Variants in AMT observed in about 807,000 individuals in gnomAD.
AMT encodes aminomethyltransferase, mitochondrial.
A neutral mutation model predicts 39.5 loss-of-function variants in AMT; 24 were observed. That is an observed-to-expected ratio of 0.61 (90% CI 0.44 to 0.86). The LOEUF is 0.86. Ranked by LOEUF, AMT falls within the 40% of genes least tolerant of loss-of-function variation. The pLI, the probability that AMT is intolerant of heterozygous loss-of-function variation, is 0.00. For synonymous variants in AMT, 210 were observed against 212.1 expected, an observed-to-expected ratio of 0.99 and a Z score of 0.09; for missense variants, 501 against 537.0, an observed-to-expected ratio of 0.93 and a Z score of 0.66.
chr3:49,421,198 C>T (rs2049096298), intron 3 of AMT: 3 of 424,222 alleles, frequency 7.1e-6, no homozygotes, highest in Admixed American at 3.5e-5. Context: ...TGAGTCACGT[C>T]GCCTGGCCAG....
intron 2 of AMT, 28 bp downstream of exon 2, chr3:49,422,063 GGAAGGCCTGATCA>G: frequency 6.2e-7 from 1 of 1,612,570 alleles, no homozygotes; most frequent in Non-Finnish European, 8.5e-7. Flanking sequence ...TAAACAGGGA[GGAAGGCCTGATCA>G]GATGGCCAGT....
chr3:49,419,734 C>G lies in AMT; in HGVS notation c.526G>C (p.Asp176His), dbSNP rs781474146. Residue 176 changes from aspartate (D) to histidine (H), a missense_variant, in exon 5 of 9, where the codon GAT becomes CAT. Physicochemically the swap from Asp to His is moderately conservative, Grantham distance 81. Transcript: ENST00000273588. Reference protein sequence around the residue: ...QGRDVGLEVLDNALLALQGPT... With the variant: ...QGRDVGLEVLHNALLALQGPT... ...CCTTGCAGAGCTAGCAGGGCATTAT[C>G]CAACACCTCCAGGCCCACATCTCTG... The G allele has an allele frequency of 1.9e-6, 3 of 1,614,032 alleles. No individual in the cohort carries two copies. The highest frequency in any genetic ancestry group is 1.3e-5 in the African/African-American group (1 of 74,902).
At chr3:49,421,233 G>C in intron 3 of AMT, 1 of 505,168 alleles carries the variant, frequency 2.0e-6, no homozygotes, top group East Asian at 3.6e-5. Context: ...ATAGAGAGGG[G>C]TTAAGCAGAA....
intron 5 of AMT, 150 bp downstream of exon 5, chr3:49,419,556 TGGTA>T (rs1178219207): frequency 6.9e-7 from 1 of 1,455,882 alleles, no homozygotes; most frequent in Non-Finnish European, 9.6e-7. Flanking sequence ...TGGAGCCTTG[TGGTA>T]GGTAGGAGGA....
At chr3:49,420,669 G>A (rs1158171100) in intron 3 of AMT, 2 of 378,698 alleles carry the variant, frequency 5.3e-6, no homozygotes, top group South Asian at 2.2e-5. Context: ...AACCTGGGAC[G>A]ACTTAGCCCA....
chr3:49,421,570 G>C lies in AMT; in HGVS notation c.261C>G (p.Thr87=). ...SLFDVSHMLQ[T]KILGSDRVKL... The stretch of plus-strand genomic sequence containing the variant: ...TCACCCGGTCACTACCAAGTATCTT[G>C]GTCTGGGGAAGAGATTGAAAGCCTC... The change falls in exon 3 of 9, where the codon ACC becomes ACG. Residue 87 remains threonine, a splice_region_variant and synonymous_variant. Coordinates refer to ENST00000273588, the MANE Select transcript of AMT (RefSeq NM_000481.4). 1 of 1,614,030 alleles carries C rather than the reference G, an allele frequency of 6.2e-7. No individual in the cohort carries two copies. Among genetic ancestry groups the C allele is most frequent in the Non-Finnish European group, 8.5e-7 (1 of 1,179,906 alleles).
Position 49,419,297 on chromosome 3 carries a change from A to C in AMT, c.659T>G (p.Val220Gly). 6.2e-7 allele frequency: 1 copy of C among 1,614,178 alleles called. No homozygotes were observed. Among genetic ancestry groups the C allele is most frequent in the Non-Finnish European group, 8.5e-7 (1 of 1,180,034 alleles). Residue 220 changes from valine to glycine, a missense_variant, in exon 6 of 9, where the codon GTG becomes GGG. By Grantham distance (109) the Val-to-Gly change is moderately radical (BLOSUM62 -3). Transcript: ENST00000273588. ...CTCTCCTGTGTAGCCACAGCGGGTCACGCGGCAGCCAGACACGCCAAACAC... is the reference window on the plus strand; with the variant it reads ...CTCTCCTGTGTAGCCACAGCGGGTCCCGCGGCAGCCAGACACGCCAAACAC... ...MEVFGVSGCR[V>G]TRCGYTGEDG...
rs1575305970 is a variant in AMT, at chr3:49,419,851, G to A, written c.472-63C>T. 10 of 1,461,632 alleles carry A rather than the reference G, an allele frequency of 6.8e-6. No homozygotes were observed. The East Asian group carries it at 1.6e-4, about 23-fold the overall frequency. 90.5% of individuals were successfully genotyped at this position (1,461,632 alleles called of 1,614,324 possible). ...ACTGAGCAGCTACCATGGGCTGGAC[G>A]CTGCAGAGCTGGACAGTAGTAGGAC... is the stretch of plus-strand genomic sequence containing the variant. On this transcript the variant is annotated intron_variant, in intron 4 of 8. Coordinates refer to ENST00000273588, the MANE Select transcript of AMT (RefSeq NM_000481.4).
chr3:49,419,199 C>T (rs372864975), intron 6 of AMT, 48 bp from the exon 7 acceptor site: 8 of 1,613,628 alleles, frequency 5.0e-6, no homozygotes, highest in Non-Finnish European at 6.8e-6. Context: ...GTACCACATA[C>T]CCCCAACCCC....
rs369840558 is a variant in AMT, at chr3:49,419,149, G to T, written c.699C>A (p.Ile233=). The T allele has an allele frequency of 6.2e-7, 1 of 1,613,818 alleles. No individual in the cohort carries two copies. Among genetic ancestry groups the T allele is most frequent in the African/African-American group, 1.3e-5 (1 of 74,944 alleles). The change falls in exon 7 of 9, where the codon ATC becomes ATA. Residue 233 remains isoleucine, a splice_region_variant and synonymous_variant. Transcript: ENST00000273588. The part of the protein sequence containing the change: ...CGYTGEDGVE[I]SVPVAGAVHL... ...GAACTGCCCCCGCTACCGGCACCGA[G>T]ATCTGTATGAAACACCAGAGGGCAG...
rs1553638253 is a variant in AMT, at chr3:49,417,822, C to T, written c.1029G>A (p.Lys343=). 12 of 1,613,996 alleles carry T rather than the reference C, an allele frequency of 7.4e-6. No homozygotes were observed. Among genetic ancestry groups the T allele is most frequent in the Non-Finnish European group, 1.0e-5 (12 of 1,180,044 alleles). Residue 343 remains lysine (K), a synonymous_variant, in exon 8 of 9, where the codon AAG becomes AAA. Coordinates refer to ENST00000273588, the MANE Select transcript of AMT (RefSeq NM_000481.4). ...CAGCTTCCCTGGTCCACCTACCAAT[C>T]TTGGTACCCTCCATGTTCAGGATGG... ...HSPILNMEGT[K]IGTVTSGCPS...
In AMT at chr3:49,419,023, A is replaced by T. The variant is rs144241950; in HGVS notation, c.825T>A (p.Asn275Lys). ...RLEAGLCLYG[N>K]DIDEHTTPVE... ...CAGGTGTAGTGTGTTCATCAATGTC[A>T]TTCCCATACAGGCAGAGGCCTGCCT... Residue 275 changes from asparagine to lysine, a missense_variant, in exon 7 of 9, where the codon AAT becomes AAA. By Grantham distance (94) the Asn-to-Lys change is moderately conservative (BLOSUM62 0). Coordinates refer to ENST00000273588, the MANE Select transcript of AMT (RefSeq NM_000481.4). 767 of 1,613,788 alleles carry T rather than the reference A, an allele frequency of 4.8e-4. 1 individual carries two copies. Among genetic ancestry groups the T allele is most frequent in the Non-Finnish European group, 6.0e-4 (711 of 1,179,986 alleles).
intron 2 of AMT, 88 bp downstream of exon 2, chr3:49,422,016 C>T (rs1381917658): frequency 3.8e-6 from 6 of 1,578,770 alleles, no homozygotes; most frequent in Non-Finnish European, 5.2e-6. Flanking sequence ...CCTTGGAATC[C>T]AGTTCACAGC....
At position 49,417,113 on chromosome 3, in the gene AMT, A is replaced by G. The variant is rs780337511; in HGVS notation, c.*427T>C. ...TTACGGAAAGCAAACTGGAGGGGGT[A>G]GCCTAAGTCCGCACTGCCCATGTTA... On this transcript the variant is annotated 3_prime_UTR_variant, in exon 9 of 9. Transcript: ENST00000273588. 9 of 744,938 alleles carry G rather than the reference A, an allele frequency of 1.2e-5. No homozygotes were observed. The highest frequency in any genetic ancestry group is 1.9e-5 in the Non-Finnish European group (8 of 429,054). 46.1% of individuals were successfully genotyped at this position (744,938 alleles called of 1,614,324 possible).
At chr3:49,421,980 AC>A (rs2049110816) in intron 2 of AMT, 123 bp downstream of exon 2, 2 of 1,373,874 alleles carry the variant, frequency 1.5e-6, no homozygotes, top group South Asian at 2.3e-5. Context: ...CACCCCCATG[AC>A]CTCTAGCTCT....
At position 49,418,746 on chromosome 3, in the gene AMT, C is replaced by G. The variant is rs1292507404; in HGVS notation, c.877+225G>C. On this transcript the variant is annotated intron_variant, in intron 7 of 8. Transcript: ENST00000273588. ...GGTCTTGATCTCCTGACCTCGTGAT[C>G]CACCCGCCTCGGCCTCCCAAAGTGC... 1.3e-5 allele frequency: 7 copies of G among 545,480 alleles called. 1 individual carries two copies. The highest frequency in any genetic ancestry group is 2.3e-5 in the Non-Finnish European group (7 of 300,008). 33.8% of individuals were successfully genotyped at this position (545,480 alleles called of 1,614,324 possible). A position where few individuals can be genotyped will look rare whatever the true frequency, so the allele number is the denominator to read the frequency against.
At chr3:49,420,618 C>G (rs1404684041) in intron 3 of AMT, 4 of 459,228 alleles carry the variant, frequency 8.7e-6, no homozygotes, top group African/African-American at 4.0e-5. Context: ...CCATCTGACA[C>G]TTAATCTATG....
rs2049102918 is a variant in AMT at position 49,421,577 on chromosome 3, G to A, written c.259-5C>T. The A allele has an allele frequency of 6.2e-7, 1 of 1,613,740 alleles. No homozygotes were observed. The highest frequency in any genetic ancestry group is 1.3e-5 in the African/African-American group (1 of 75,040). ...GTCACTACCAAGTATCTTGGTCTGGGGAAGAGATTGAAAGCCTCAGGCCAT... is the reference window on the plus strand; with the variant it reads ...GTCACTACCAAGTATCTTGGTCTGGAGAAGAGATTGAAAGCCTCAGGCCAT... On this transcript the variant is annotated splice_polypyrimidine_tract_variant and splice_region_variant and intron_variant, in intron 2 of 8. Transcript: ENST00000273588.
At chr3:49,421,169 T>G (rs1430970217) in intron 3 of AMT, 2 of 367,066 alleles carry the variant, frequency 5.4e-6, no homozygotes, top group Non-Finnish European at 1.0e-5. Context: ...CCTCCCCAAG[T>G]GCCAGGATTA....
Sources: gnomAD v4.1 joint callset for allele counts on GRCh38, gnomAD v4.1.1 for gene constraint, MANE v1.5 for transcripts, NCBI Gene and HGNC (gene_info 2026-07-23, HGNC 2026-07-21) for gene names.